NBPF12: variants seen among roughly 807,000 people sequenced by gnomAD.
The protein encoded by NBPF12 is NBPF member 12, also known as NBPF family member NBPF12.
NBPF12 carries 115 observed loss-of-function variants against 146.4 expected under a neutral mutation model. The ratio of observed to expected loss-of-function variants is 0.79; its 90% confidence interval spans 0.68 to 0.92. The LOEUF is 0.92. NBPF12 is among the 40% of genes least tolerant of loss of function. The probability of loss-of-function intolerance (pLI) is 0.00; values close to 1 mark genes in which losing one functional copy is unlikely to be tolerated. For synonymous variants in NBPF12, 385 were observed against 508.9 expected (o/e 0.76, Z 3.28); for missense variants, 1,205 against 1,326.8 (o/e 0.91, Z 1.43).
rs1227061222 is a variant in NBPF12 at position 146,966,351 on chromosome 1, C to T, written c.779-113C>T. 20 of 963,168 alleles carry T rather than the reference C, an allele frequency of 2.1e-5. 1 individual carries two copies. The highest frequency in any genetic ancestry group is 3.2e-5 in the African/African-American group (2 of 61,910). The allele number at this position is 963,168 out of a possible 1,614,324, so 59.7% of individuals were successfully genotyped here. A position where few individuals can be genotyped will look rare whatever the true frequency, so the allele number is the denominator to read the frequency against. ...GATGACAAGAGTGAAACCAGGGAAA[C>T]ATCATCTTCGAATAAGTACACAAGG... On this transcript the variant is annotated intron_variant, in intron 8 of 33. Transcript: ENST00000617844.
intron 8 of NBPF12, among the ~76,000 whole-genome samples, chr1:146,965,626 C>T (rs1553885523): frequency 8.5e-6 from 1 of 117,986 alleles, no homozygotes; most frequent in South Asian, 2.8e-4. Flanking sequence ...ACTAAAAATA[C>T]AAAAAAAAAA....
At chr1:146,965,064 C>G in exon 8 of NBPF12, 1 of 1,606,344 alleles carries the variant, frequency 6.2e-7, no homozygotes, top group East Asian at 2.2e-5. Context: ...ACAGAAAATC[C>G]TCTCATGATG....
chr1:146,970,617 A>C lies in NBPF12; in HGVS notation c.1307-30A>C, dbSNP rs1166517102. On this transcript the variant is annotated intron_variant, in intron 11 of 33. Coordinates refer to ENST00000617844, the Ensembl canonical transcript of NBPF12. ...TGTGCTTGCAGAATGTGAAGTGGAA[A>C]ATATCTGAACGAACATTTTGTATTT... The C allele has an allele frequency of 4.4e-4, 690 of 1,569,330 alleles. 3 individuals are homozygous for C. Among genetic ancestry groups the C allele is most frequent in the South Asian group, 1.4e-3 (127 of 90,046 alleles).
In NBPF12 at chr1:146,966,403, T is replaced by C. The variant is rs1212065096; in HGVS notation, c.779-61T>C. The C allele has an allele frequency of 7.7e-4, 1,004 of 1,302,878 alleles. 34 individuals are homozygous for C. In the African/African-American group the frequency reaches 0.013, roughly 17 times the overall value. The allele number at this position is 1,302,878 out of a possible 1,614,324, so 80.7% of individuals were successfully genotyped here. ...TGCCAGTGACATCCCTCAGTCCTGA[T>C]TAAGCCTACTTGATTTCACCAGTTT... On this transcript the variant is annotated intron_variant, in intron 8 of 33. Coordinates refer to ENST00000617844, the Ensembl canonical transcript of NBPF12.
At chr1:146,971,111 A>T in intron 12 of NBPF12, 72 bp from the exon 16 acceptor site, 20 of 1,605,572 alleles carry the variant, frequency 1.2e-5, no homozygotes, top group Non-Finnish European at 1.6e-5. Context: ...TGTCAAAACC[A>T]GCTAGGACTC....
chr1:146,961,912 G>T lies in NBPF12; in HGVS notation c.176-249G>T, dbSNP rs1370805105. Among the ~76,000 whole-genome samples, 479 of 152,238 alleles carry T rather than the reference G, an allele frequency of 3.1e-3. 3 individuals carry two copies. The highest frequency in any genetic ancestry group is 4.9e-3 in the Non-Finnish European group (330 of 68,040). ...GCTGTGAGTTCTGACTCCACTTCGT[G>T]GTGGTTGAATCATCTTGTCAACTTC... On this transcript the variant is annotated intron_variant, in intron 4 of 33. Transcript: ENST00000617844.
chr1:146,942,335 C>T (rs1351580945), intron 1 of NBPF12, among the ~76,000 whole-genome samples: 2 of 149,248 alleles, frequency 1.3e-5, no homozygotes, highest in Non-Finnish European at 1.5e-5. Flanking sequence ...AAAACAGGTA[C>T]TAAAATTTCT....
chr1:146,994,265 A>C (rs1189723596), intron 33 of NBPF12, 67 bp from the exon 37 acceptor site: 4 of 1,610,568 alleles, frequency 2.5e-6, no homozygotes, highest in African/African-American at 2.7e-5. Context: ...TTACTTCTGA[A>C]ATCTAGTGAG....
chr1:146,994,473 A>G lies in NBPF12; in HGVS notation c.4272A>G (p.Glu1424=), dbSNP rs1553890075. 18 of 1,609,286 alleles carry G rather than the reference A, an allele frequency of 1.1e-5. 1 individual carries two copies. Among genetic ancestry groups the G allele is most frequent in the East Asian group, 2.2e-5 (1 of 44,822 alleles). The change falls in exon 34 of 34, where the codon GAA becomes GAG. Residue 1424 remains glutamate (E), a synonymous_variant. Coordinates refer to ENST00000617844, the Ensembl canonical transcript of NBPF12. ...GAAGTGTGTTTTACTCATTTGAGGA[A>G]CAGCACATCACCTTTGCCCTTGACA...
At chr1:146,994,346 T>C (rs1553890010) in exon 34 of NBPF12, 6 of 1,611,780 alleles carry the variant, frequency 3.7e-6, no homozygotes, top group Admixed American at 1.7e-5. Flanking sequence ...AACAGCGTGC[T>C]GATGGAAGTG....
chr1:146,964,058 C>T (rs1268609254), intron 6 of NBPF12, among the ~76,000 whole-genome samples: 1 of 129,710 alleles, frequency 7.7e-6, no homozygotes, highest in African/African-American at 3.0e-5. Context: ...AGATCTGTGG[C>T]AGGATGGGGG....
upstream of NBPF12, among the ~76,000 whole-genome samples, chr1:146,944,320 TGA>T (rs1379419899): frequency 1.4e-5 from 2 of 141,426 alleles, no homozygotes; most frequent in Non-Finnish European, 3.1e-5. Flanking sequence ...CTGCAGGCAT[TGA>T]GAGGGGGAGA....
intron 8 of NBPF12, among the ~76,000 whole-genome samples, chr1:146,965,808 A>AT (rs1656162141): frequency 6.9e-6 from 1 of 145,162 alleles, no homozygotes; most frequent in Admixed American, 6.9e-5. Context: ...AAAAAAAAAA[A>AT]AAAAAAAAAA....
exon 7 of NBPF12, chr1:146,964,374 G>A (rs1656056854): frequency 2.5e-6 from 4 of 1,603,018 alleles, no homozygotes; most frequent in African/African-American, 1.3e-5. Flanking sequence ...TGAAGATGAG[G>A]ATGAAGATGT....
At chr1:146,984,583 G>A (rs1657615788) in intron 21 of NBPF12, among the ~76,000 whole-genome samples, 1 of 21,668 alleles carries the variant, frequency 4.6e-5, no homozygotes, top group Non-Finnish European at 7.5e-5. Context: ...CACACTGTGT[G>A]TGTGTGTGTG....
intron 2 of NBPF12, 102 bp from the exon 6 acceptor site, chr1:146,959,757 G>C (rs1459960935): frequency 5.8e-4 from 49 of 84,130 alleles, no homozygotes; most frequent in Non-Finnish European, 6.2e-4. Context: ...CCTCAGGTGA[G>C]ACTAGGGTGC....
chr1:146,982,577 C>A (rs1467064138), intron 19 of NBPF12, among the ~76,000 whole-genome samples: 3 of 152,130 alleles, frequency 2.0e-5, no homozygotes, highest in East Asian at 3.9e-4. Context: ...ACTCTCTTGA[C>A]TTGAATGCTG....
chr1:146,987,733 T>TTGTGTGTG (rs782154969), intron 25 of NBPF12, among the ~76,000 whole-genome samples: 1,662 of 145,398 alleles, frequency 0.011, 2 homozygotes, highest in African/African-American at 0.039. Flanking sequence ...GTGTGTGTGT[T>TTGTGTGTG]TGTGTGTGTG....
At chr1:146,952,758 G>A (rs1310223558) in intron 2 of NBPF12, among the ~76,000 whole-genome samples, 12 of 149,128 alleles carry the variant, frequency 8.0e-5, no homozygotes, top group Middle Eastern at 3.4e-3. Flanking sequence ...CACACTTCTA[G>A]TTAGGTTTAG....
Sources: allele counts gnomAD v4.1 joint callset (sites outside exome capture counted in the v4.1 genomes callset), GRCh38; gene constraint gnomAD v4.1.1; transcripts MANE v1.5; gene names NCBI Gene and HGNC (gene_info 2026-07-23, HGNC 2026-07-21).